Variants in DNAH12 observed in about 807,000 individuals in gnomAD.
DNAH12 encodes dynein axonemal heavy chain 12.
DNAH12 carries 285 observed loss-of-function variants against 371.5 expected under a neutral mutation model. The observed-to-expected ratio is 0.77, with a 90% CI of 0.70 to 0.85. The LOEUF is 0.85. Ranked by LOEUF, DNAH12 falls within the 40% of genes least tolerant of loss-of-function variation. The pLI is 0.00. For synonymous variants in DNAH12, 1,200 were observed against 1,213.0 expected, an observed-to-expected ratio of 0.99 and a Z score of 0.22; for missense variants, 3,611 against 3,689.4, an observed-to-expected ratio of 0.98 and a Z score of 0.55.
At chr3:57,500,028 A>G (rs2067480170) in intron 11 of DNAH12, among the ~76,000 whole-genome samples, 1 of 144,414 alleles carries the variant, frequency 6.9e-6, no homozygotes, top group Non-Finnish European at 1.5e-5. Flanking sequence ...CCTTTTCCCC[A>G]CTACTATCAG....
chr3:57,433,097 T>G (rs2065004091), intron 32 of DNAH12, among the ~76,000 whole-genome samples: 1 of 151,278 alleles, frequency 6.6e-6, no homozygotes, highest in Admixed American at 6.6e-5. Context: ...TGAAGTCACT[T>G]AACAACTTAT....
At chr3:57,382,974 GA>G (rs2063426577) in intron 49 of DNAH12, among the ~76,000 whole-genome samples, 1 of 152,200 alleles carries the variant, frequency 6.6e-6, no homozygotes, top group South Asian at 2.1e-4. Flanking sequence ...GTGAGAATTA[GA>G]TTCCAGATCA....
chr3:57,467,672 A>C (rs1260299127), intron 17 of DNAH12, among the ~76,000 whole-genome samples: 1 of 152,150 alleles, frequency 6.6e-6, no homozygotes, highest in African/African-American at 2.4e-5. Context: ...AAAATGACTT[A>C]GTGTCATTTT....
chr3:57,454,837 G>A lies in DNAH12; in HGVS notation c.3394C>T (p.Leu1132Phe). The change falls in exon 23 of 74, where the codon CTT (leucine) becomes TTT (phenylalanine). Residue 1132 changes from leucine (L) to phenylalanine (F), a missense_variant. Coordinates refer to ENST00000495027, the MANE Select transcript of DNAH12 (RefSeq NM_001366028.2). ...GTCCAGAACATTTGAGAAATACAAA[G>A]TACAACTTGGCCAGGCCACTCTCGA... Reference protein sequence around the residue: ...WVREWPGQVVLCISQMFWTSE... With the variant: ...WVREWPGQVVFCISQMFWTSE... 1.3e-6 allele frequency: 2 copies of A among 1,551,300 alleles called. No individual in the cohort carries two copies. Among genetic ancestry groups the A allele is most frequent in the Non-Finnish European group, 1.7e-6 (2 of 1,146,758 alleles).
intron 44 of DNAH12, among the ~76,000 whole-genome samples, chr3:57,392,704 T>C (rs2063651230): frequency 6.6e-6 from 1 of 152,250 alleles, no homozygotes; most frequent in Non-Finnish European, 1.5e-5. Context: ...ATATAGAATA[T>C]GATCCTGTTT....
chr3:57,422,052 G>A (rs988229289), intron 35 of DNAH12, among the ~76,000 whole-genome samples: 1 of 151,078 alleles, frequency 6.6e-6, no homozygotes, highest in African/African-American at 2.4e-5. Flanking sequence ...GACTACCAGG[G>A]TACACCACAA....
At chr3:57,324,344 C>T (rs1356651917) in intron 62 of DNAH12, among the ~76,000 whole-genome samples, 1 of 152,172 alleles carries the variant, frequency 6.6e-6, no homozygotes, top group Non-Finnish European at 1.5e-5. Context: ...CAAATTATAA[C>T]TATACTTAGA....
intron 5 of DNAH12, 88 bp downstream of exon 5, chr3:57,510,702 C>T: frequency 8.8e-7 from 1 of 1,139,258 alleles, no homozygotes. Flanking sequence ...GTGTTCATTA[C>T]TCATTTTGCT....
rs781547374 is a variant in DNAH12 at position 57,322,403 on chromosome 3, T to C, written c.10464A>G (p.Ser3488=). The C allele has an allele frequency of 1.4e-5, 22 of 1,551,982 alleles. No homozygotes were observed. The highest frequency in any genetic ancestry group is 9.8e-5 in the East Asian group (4 of 40,932). The part of the protein sequence containing the change: ...PTGLRLNLLQ[S]YLTDPVSDPE... ...GATCAGAAACTGGATCAGTGAGATA[T>C]GATTGAAGGAGATTCAGCCGAAGAC... Residue 3488 remains serine (S), a synonymous_variant, in exon 65 of 74, where the codon TCA becomes TCG. Transcript: ENST00000495027.
intron 62 of DNAH12, among the ~76,000 whole-genome samples, chr3:57,331,810 T>C (rs1032088404): frequency 1.3e-5 from 2 of 152,126 alleles, no homozygotes. Context: ...AAGAGCCCAG[T>C]TGTAGCAAGA....
intron 55 of DNAH12, among the ~76,000 whole-genome samples, chr3:57,372,358 A>C (rs2063192916): frequency 1.3e-5 from 2 of 152,098 alleles, no homozygotes; most frequent in African/African-American, 4.8e-5. Context: ...GTTAAAGGAC[A>C]TTCTTCAGGC....
At chr3:57,385,956 G>A (rs1175593700) in intron 47 of DNAH12, among the ~76,000 whole-genome samples, 1 of 152,090 alleles carries the variant, frequency 6.6e-6, no homozygotes, top group Non-Finnish European at 1.5e-5. Flanking sequence ...AAGAAATGTA[G>A]ATTGAAAACA....
chr3:57,309,296 T>G (rs1273798077), intron 68 of DNAH12, 42 bp from the exon 69 acceptor site: 2 of 1,442,546 alleles, frequency 1.4e-6, no homozygotes, highest in African/African-American at 1.4e-5. Context: ...ATTCTCAGAA[T>G]GGATAATTAG....
chr3:57,536,585 C>T (rs1326101699), intron 2 of DNAH12, among the ~76,000 whole-genome samples: 1 of 152,162 alleles, frequency 6.6e-6, no homozygotes, highest in East Asian at 1.9e-4. Context: ...TGGATATCCT[C>T]CTCCTTTCTT....
intron 65 of DNAH12, among the ~76,000 whole-genome samples, chr3:57,321,180 G>A (rs887243153): frequency 1.3e-5 from 2 of 152,116 alleles, no homozygotes; most frequent in Admixed American, 6.5e-5. Context: ...AACTCTGGAT[G>A]AGGATTAGAC....
rs1307978232 is a variant in DNAH12 at position 57,471,455 on chromosome 3, T to C, written c.1911+17A>G. On this transcript the variant is annotated intron_variant, in intron 15 of 73. Coordinates refer to ENST00000495027, the MANE Select transcript of DNAH12 (RefSeq NM_001366028.2). ...CTATGGGCTGGCCATAGCTATTGTC[T>C]CATATATTTATCAGACCTGTTGCAT... The C allele has an allele frequency of 6.5e-7, 1 of 1,530,946 alleles. No homozygotes were observed. Among genetic ancestry groups the C allele is most frequent in the Non-Finnish European group, 8.8e-7 (1 of 1,142,168 alleles). The allele number at this position is 1,530,946 out of a possible 1,614,324, so 94.8% of individuals were successfully genotyped here.
chr3:57,509,029 T>A, intron 6 of DNAH12, 111 bp downstream of exon 6: 1 of 909,426 alleles, frequency 1.1e-6, no homozygotes. Flanking sequence ...TTTTTAGATG[T>A]GTTCAAAATA....
intron 25 of DNAH12, among the ~76,000 whole-genome samples, chr3:57,447,394 T>C (rs958573939): frequency 3.3e-5 from 5 of 152,210 alleles, no homozygotes; most frequent in Admixed American, 2.6e-4. Flanking sequence ...CAGTCAGCTC[T>C]AACTATGGAG....
At chr3:57,509,469 T>TA (rs1485740708) in intron 5 of DNAH12, among the ~76,000 whole-genome samples, 1 of 152,036 alleles carries the variant, frequency 6.6e-6, no homozygotes, top group South Asian at 2.1e-4. Context: ...CATGGCCACT[T>TA]AAAAAAATGC....
Sources: allele counts gnomAD v4.1 joint callset (sites outside exome capture counted in the v4.1 genomes callset), GRCh38; gene constraint gnomAD v4.1.1; transcripts MANE v1.5; gene names NCBI Gene and HGNC (gene_info 2026-07-23, HGNC 2026-07-21).